CTBP2: variants seen among roughly 807,000 people sequenced by gnomAD.
The protein encoded by CTBP2 is C-terminal-binding protein 2.
CTBP2 carries 30 observed loss-of-function variants against 80.3 expected under a neutral mutation model. The observed-to-expected ratio is 0.37, with a 90% CI of 0.28 to 0.51. The LOEUF (loss-of-function observed/expected upper bound fraction) is 0.51, where lower values mean the gene tolerates loss of function less well. Ranked by LOEUF, CTBP2 falls within the 20% of genes least tolerant of loss-of-function variation. The pLI is 0.93. For missense variants in CTBP2, 1,212 were observed against 1,375.3 expected (o/e 0.88, Z 1.88); for synonymous variants, 594 against 587.4 (o/e 1.01, Z -0.16).
At chr10:125,082,627 G>A (rs1022047328) in intron 2 of CTBP2, among the ~76,000 whole-genome samples, 5 of 137,812 alleles carry the variant, frequency 3.6e-5, no homozygotes, top group African/African-American at 5.6e-5. Flanking sequence ...TTGCTCTGTC[G>A]CCCAGGCTAG....
chr10:124,994,359 A>G, intron 5 of CTBP2, 110 bp downstream of exon 7: 1 of 1,076,524 alleles, frequency 9.3e-7, no homozygotes, highest in South Asian at 1.5e-5. Flanking sequence ...TTCCCTGCTC[A>G]ACAGTGTATC....
intron 1 of CTBP2, among the ~76,000 whole-genome samples, chr10:125,157,574 A>T (rs1861152188): frequency 6.6e-6 from 1 of 151,714 alleles, no homozygotes; most frequent in Non-Finnish European, 1.5e-5. Context: ...CCCCTGGGGC[A>T]CAAAAAACCA....
chr10:125,150,048 C>CA (rs1448073899), intron 1 of CTBP2, among the ~76,000 whole-genome samples: 1 of 152,216 alleles, frequency 6.6e-6, no homozygotes, highest in Non-Finnish European at 1.5e-5. Flanking sequence ...CAGACTATCA[C>CA]AGTTAGGAGA....
At chr10:125,115,374 G>A (rs1168265377) in intron 1 of CTBP2, among the ~76,000 whole-genome samples, 4 of 152,140 alleles carry the variant, frequency 2.6e-5, no homozygotes, top group African/African-American at 7.2e-5. Flanking sequence ...TCCCTTAGGC[G>A]ATCAAAAGTT....
intron 2 of CTBP2, among the ~76,000 whole-genome samples, chr10:125,073,361 A>G (rs1845802703): frequency 6.6e-6 from 1 of 152,166 alleles, no homozygotes; most frequent in Non-Finnish European, 1.5e-5. Context: ...CTCCTGCCTC[A>G]GGCTCCTGAG....
In CTBP2 at chr10:125,098,657, G is replaced by GGAGAGAGAGA. The variant is rs565818097; in HGVS notation, c.-102+12323_-102+12332dup. ...GAACAGAGAGAGAAATGGGGGAGGG[G>GGAGAGAGAGA]GAGAGAGAGAGAGAGAGAGAGAGAG... On this transcript the variant is annotated intron_variant, in intron 2 of 10. Transcript: ENST00000337195. Among the ~76,000 whole-genome samples, 19 of 44,994 alleles carry GGAGAGAGAGA rather than the reference G, an allele frequency of 4.2e-4. 1 individual carries two copies. Among genetic ancestry groups the GGAGAGAGAGA allele is most frequent in the Non-Finnish European group, 7.4e-4 (18 of 24,384 alleles). 29.5% of individuals were successfully genotyped at this position (44,994 alleles called of 152,430 possible). A position where few individuals can be genotyped will look rare whatever the true frequency, so the allele number is the denominator to read the frequency against.
chr10:125,007,654 A>C (rs1015854488), intron 1 of CTBP2, among the ~76,000 whole-genome samples: 3 of 152,186 alleles, frequency 2.0e-5, no homozygotes, highest in African/African-American at 7.2e-5. Context: ...TGCAAGGCAA[A>C]TGGGATGTTC....
At chr10:125,149,993 C>T (rs1049599944) in intron 1 of CTBP2, among the ~76,000 whole-genome samples, 7 of 152,222 alleles carry the variant, frequency 4.6e-5, no homozygotes, top group Admixed American at 2.6e-4. Context: ...GAAGTTCACC[C>T]GGCAAAACCT....
intron 2 of CTBP2, among the ~76,000 whole-genome samples, chr10:125,072,641 A>G (rs1263357611): frequency 4.1e-5 from 6 of 144,924 alleles, no homozygotes; most frequent in African/African-American, 1.1e-4. Flanking sequence ...AAAGAAAAAA[A>G]AAAAAAAAAA....
chr10:125,095,846 G>A (rs918525151), intron 2 of CTBP2, among the ~76,000 whole-genome samples: 1 of 152,180 alleles, frequency 6.6e-6, no homozygotes, highest in South Asian at 2.1e-4. Flanking sequence ...TCCAGGTTTA[G>A]GCTAAAGATG....
At chr10:125,064,944 C>T (rs1237270320) in intron 2 of CTBP2, among the ~76,000 whole-genome samples, 1 of 152,228 alleles carries the variant, frequency 6.6e-6, no homozygotes, top group Non-Finnish European at 1.5e-5. Flanking sequence ...GCTTCCCCAC[C>T]TCACTGGTTT....
chr10:124,992,428 T>C (rs1196287492), intron 8 of CTBP2, among the ~76,000 whole-genome samples: 4 of 152,102 alleles, frequency 2.6e-5, no homozygotes, highest in Admixed American at 2.6e-4. Context: ...AAGATGGCTT[T>C]AGAATGAAAG....
intron 2 of CTBP2, among the ~76,000 whole-genome samples, chr10:125,049,046 G>GACACACAGACACACACAC (rs1962006814): frequency 1.1e-5 from 1 of 89,662 alleles, no homozygotes; most frequent in African/African-American, 4.1e-5. Flanking sequence ...CCTGACCACA[G>GACACACAGACACACACAC]ACACACACAC....
At chr10:125,060,263 G>C (rs1564824383) in intron 2 of CTBP2, among the ~76,000 whole-genome samples, 1 of 152,204 alleles carries the variant, frequency 6.6e-6, no homozygotes, top group Admixed American at 6.5e-5. Flanking sequence ...CAAAGCTCTG[G>C]AGCTGAGCGG....
intron 3 of CTBP2, chr10:125,000,146 A>G (rs1221715254): frequency 1.3e-5 from 2 of 152,330 alleles, no homozygotes; most frequent in Non-Finnish European, 2.9e-5. Flanking sequence ...CGGAGTGCAG[A>G]GTCCCAGGAC....
chr10:125,010,374 C>T (rs1187619316), intron 1 of CTBP2, among the ~76,000 whole-genome samples: 1 of 152,106 alleles, frequency 6.6e-6, no homozygotes, highest in African/African-American at 2.4e-5. Flanking sequence ...GCCCAGCTTC[C>T]CAGAGGCTGC....
intron 2 of CTBP2, among the ~76,000 whole-genome samples, chr10:125,064,454 C>G (rs1844323046): frequency 6.6e-6 from 1 of 152,066 alleles, no homozygotes; most frequent in Non-Finnish European, 1.5e-5. Context: ...TTGGTGAGGA[C>G]AATGCTGAGG....
chr10:125,105,532 T>C (rs1172770570), intron 2 of CTBP2, among the ~76,000 whole-genome samples: 1 of 152,234 alleles, frequency 6.6e-6, no homozygotes, highest in Non-Finnish European at 1.5e-5. Context: ...TGAGCTATTT[T>C]ATCAGCATTT....
Position 124,986,838 on chromosome 10 carries a change from T to C in CTBP2, c.*2680A>G, listed in dbSNP as rs1479931086. 2 of 152,134 alleles carry C rather than the reference T, an allele frequency of 1.3e-5. No individual in the cohort carries two copies. The highest frequency in any genetic ancestry group is 2.9e-5 in the Non-Finnish European group (2 of 68,026). 9.4% of individuals were successfully genotyped at this position (152,134 alleles called of 1,614,324 possible). A position where few individuals can be genotyped will look rare whatever the true frequency, so the allele number is the denominator to read the frequency against. ...CCCAATTGAAAAAGCCAAAGAGAAT[T>C]GTTAGAGGGAAAAGCATGTAGCCAT... On this transcript the variant is annotated 3_prime_UTR_variant, in exon 9 of 9. Transcript: ENST00000309035.
Sources: allele counts gnomAD v4.1 joint callset (sites outside exome capture counted in the v4.1 genomes callset), GRCh38; gene constraint gnomAD v4.1.1; transcripts MANE v1.5; gene names NCBI Gene and HGNC (gene_info 2026-07-23, HGNC 2026-07-21).